RTL4: variants seen among roughly 807,000 people sequenced by gnomAD.
The protein encoded by RTL4 is retrotransposon Gag-like protein 4.
RTL4 carries 4 observed loss-of-function variants against 5.3 expected under a neutral mutation model. The observed-to-expected ratio is 0.75, with a 90% CI of 0.37 to 1.72. The LOEUF (loss-of-function observed/expected upper bound fraction) is 1.72. Among genes scored for constraint, RTL4 ranks in the 40% most tolerant of loss-of-function variants. RTL4 has a pLI of 0.04. For missense variants in RTL4, 260 were observed against 227.1 expected, an observed-to-expected ratio of 1.14 and a Z score of -0.93; for synonymous variants, 98 against 87.3, an observed-to-expected ratio of 1.12 and a Z score of -0.68.
exon 1 of RTL4, chrX:112,456,066 T>A (rs993299157): frequency 1.0e-5 from 3 of 285,787 alleles, no homozygotes; most frequent in Non-Finnish European, 1.9e-5. Context: ...AGCCCAAGAC[T>A]TTTACCTTCA....
At chrX:112,122,519 T>G in the RTL4 span, among the ~76,000 whole-genome samples, 1 of 110,408 alleles carries the variant, frequency 9.1e-6, no homozygotes, top group Non-Finnish European at 1.9e-5. Context: ...ACCTAGTATT[T>G]GATAGCATAA....
chrX:112,395,966 C>T, the RTL4 span, among the ~76,000 whole-genome samples: 5 of 110,290 alleles, frequency 4.5e-5, no homozygotes, highest in Admixed American at 4.8e-4. Flanking sequence ...ATATGATTTT[C>T]CAGATTGTTA....
At chrX:112,385,462 G>T in the RTL4 span, among the ~76,000 whole-genome samples, 1 of 110,988 alleles carries the variant, frequency 9.0e-6, no homozygotes, top group African/African-American at 3.3e-5. Flanking sequence ...TTGTTGAAAA[G>T]ACTATCATTC....
At chrX:112,191,263 A>G in the RTL4 span, among the ~76,000 whole-genome samples, 4 of 112,064 alleles carry the variant, frequency 3.6e-5, no homozygotes, top group East Asian at 2.8e-4. Flanking sequence ...CTCCCATAAA[A>G]AAAGGTCCTA....
At chrX:112,389,253 A>G in the RTL4 span, among the ~76,000 whole-genome samples, 1 of 102,330 alleles carries the variant, frequency 9.8e-6, no homozygotes, top group Non-Finnish European at 2.0e-5. Context: ...TTCCTTCATC[A>G]TTTCTAATTG....
the RTL4 span, among the ~76,000 whole-genome samples, chrX:112,190,139 CCTTTCTTTCTTT>C: frequency 0.038 from 2,902 of 77,129 alleles, 58 homozygotes; most frequent in African/African-American, 0.065. Flanking sequence ...GTAGCCTGTC[CCTTTCTTTCTTT>C]CTTTCTTTCT....
chrX:112,114,185 T>C, the RTL4 span, among the ~76,000 whole-genome samples: 2 of 111,511 alleles, frequency 1.8e-5, no homozygotes, highest in African/African-American at 6.5e-5. Flanking sequence ...CATCATTGAA[T>C]AATTTATGGG....
chrX:112,353,567 G>A, the RTL4 span, among the ~76,000 whole-genome samples: 4 of 110,559 alleles, frequency 3.6e-5, no homozygotes, highest in Non-Finnish European at 7.6e-5. Flanking sequence ...ATCATTCTCA[G>A]CAAACTATCG....
chrX:112,438,495 A>G, the RTL4 span, among the ~76,000 whole-genome samples: 1 of 112,729 alleles, frequency 8.9e-6, no homozygotes, highest in African/African-American at 3.2e-5. Context: ...CAGCAGTGGC[A>G]TGGAAGCATT....
At chrX:112,340,639 CA>C in the RTL4 span, among the ~76,000 whole-genome samples, 3,673 of 98,874 alleles carry the variant, frequency 0.037, 227 homozygotes, top group African/African-American at 0.13. Context: ...GCCGTTAGGA[CA>C]AAAAAAAAAG....
At chrX:112,121,527 T>G in the RTL4 span, among the ~76,000 whole-genome samples, 90 of 111,827 alleles carry the variant, frequency 8.0e-4, no homozygotes, top group African/African-American at 2.7e-3. Flanking sequence ...GTTTAATAAT[T>G]GTACATAAAG....
the RTL4 span, among the ~76,000 whole-genome samples, chrX:112,406,277 T>A: frequency 4.5e-5 from 5 of 111,984 alleles, no homozygotes. Context: ...AGTGGTTTAA[T>A]TGATTCATGG....
the RTL4 span, among the ~76,000 whole-genome samples, chrX:112,447,818 G>A: frequency 8.9e-6 from 1 of 112,011 alleles, no homozygotes; most frequent in Non-Finnish European, 1.9e-5. Flanking sequence ...TCAAGACTTA[G>A]AGAGGAGAGA....
chrX:112,127,032 A>G, the RTL4 span, among the ~76,000 whole-genome samples: 2 of 112,189 alleles, frequency 1.8e-5, no homozygotes, highest in Non-Finnish European at 3.8e-5. Flanking sequence ...TAAACTTCCA[A>G]AAAATAGAGG....
the RTL4 span, among the ~76,000 whole-genome samples, chrX:112,192,082 T>G: frequency 9.2e-6 from 1 of 108,265 alleles, no homozygotes; most frequent in Non-Finnish European, 1.9e-5. Context: ...AGGGTTTTTT[T>G]TTTTTTTTTT....
chrX:112,351,969 T>C, the RTL4 span, among the ~76,000 whole-genome samples: 2 of 111,933 alleles, frequency 1.8e-5, no homozygotes, highest in Non-Finnish European at 3.8e-5. Context: ...GCCTTGATGG[T>C]CTTTACAATT....
the RTL4 span, among the ~76,000 whole-genome samples, chrX:112,295,815 T>G: frequency 0.013 from 1,446 of 112,530 alleles, 18 homozygotes; most frequent in African/African-American, 0.043. Flanking sequence ...TCTCTTTTTT[T>G]CTCTGTCGAA....
the RTL4 span, among the ~76,000 whole-genome samples, chrX:112,211,649 C>T: frequency 8.9e-6 from 1 of 112,073 alleles, no homozygotes; most frequent in Non-Finnish European, 1.9e-5. Context: ...CCCACAATGA[C>T]TCAACAGTGT....
the RTL4 span, among the ~76,000 whole-genome samples, chrX:112,108,166 A>T: frequency 9.0e-6 from 1 of 111,064 alleles, no homozygotes; most frequent in South Asian, 3.8e-4. Context: ...AATTATTTTA[A>T]TCTCTCCATT....
Sources: gnomAD v4.1 joint callset for allele counts (sites outside exome capture counted in the v4.1 genomes callset) on GRCh38, gnomAD v4.1.1 for gene constraint, MANE v1.5 for transcripts, NCBI Gene and HGNC (gene_info 2026-07-23, HGNC 2026-07-21) for gene names.